The following ST3GAL3 variants were observed in gnomAD, a reference collection of about 807,000 sequenced individuals.
ST3GAL3 encodes the protein CMP-N-acetylneuraminate-beta-1,4-galactoside alpha-2,3-sialyltransferase.
In ST3GAL3, 21 loss-of-function variants were observed where a neutral mutation model predicts 50.1. The observed-to-expected ratio is 0.42, with a 90% CI of 0.30 to 0.60. The LOEUF (loss-of-function observed/expected upper bound fraction) is 0.60. Among genes scored for constraint, ST3GAL3 ranks in the 20% least tolerant of loss-of-function variants. The pLI, the probability that ST3GAL3 is intolerant of heterozygous loss-of-function variation, is 0.19. For missense variants in ST3GAL3, 353 were observed against 489.4 expected, an observed-to-expected ratio of 0.72 and a Z score of 2.63; for synonymous variants, 183 against 190.0, an observed-to-expected ratio of 0.96 and a Z score of 0.30.
In ST3GAL3 at chr1:43,788,943, T is replaced by G. The variant is rs541665783; in HGVS notation, c.119-3159T>G. On this transcript the variant is annotated intron_variant, in intron 2 of 11. Transcript: ENST00000347631. ...GGTCTTAATGGAAGAGTGGGAGGTT[T>G]TTTTTTTTTTTAATGCAAACCTGCA... Among the ~76,000 whole-genome samples the G allele has an allele frequency of 7.3e-5, 11 of 151,482 alleles. No homozygotes were observed. The East Asian group carries it at 7.8e-4, about 11-fold the overall frequency.
intron 2 of ST3GAL3, among the ~76,000 whole-genome samples, chr1:43,763,612 C>T (rs1258029524): frequency 6.6e-6 from 1 of 152,150 alleles, no homozygotes; most frequent in African/African-American, 2.4e-5. Context: ...AGCAGTCACC[C>T]TGAGCCACAA....
chr1:43,874,598 T>A (rs1392825909), intron 5 of ST3GAL3, among the ~76,000 whole-genome samples: 9 of 152,250 alleles, frequency 5.9e-5, no homozygotes, highest in Non-Finnish European at 1.0e-4. Context: ...AGAAATGAGA[T>A]GATGTAAGAG....
At chr1:43,710,208 A>G (rs1186741272) in intron 1 of ST3GAL3, among the ~76,000 whole-genome samples, 1 of 152,064 alleles carries the variant, frequency 6.6e-6, no homozygotes, top group Non-Finnish European at 1.5e-5. Context: ...CAGCCTCCTG[A>G]GTAGCTGGGA....
chr1:43,918,026 C>T (rs192636170), intron 9 of ST3GAL3, among the ~76,000 whole-genome samples: 88 of 150,734 alleles, frequency 5.8e-4, no homozygotes, highest in African/African-American at 2.0e-3. Flanking sequence ...GAAGTCAAAA[C>T]GTGTCAGTCA....
chr1:43,798,679 TAAAAA>T (rs1223287999), intron 3 of ST3GAL3, among the ~76,000 whole-genome samples: 22 of 152,194 alleles, frequency 1.4e-4, no homozygotes, highest in Non-Finnish European at 3.2e-4. Context: ...AGTCCTTCTC[TAAAAA>T]AGTATGTCTT....
chr1:43,864,503 A>G (rs571740982), intron 5 of ST3GAL3, among the ~76,000 whole-genome samples: 1 of 152,320 alleles, frequency 6.6e-6, no homozygotes, highest in South Asian at 2.1e-4. Context: ...GGAAGGAGAC[A>G]CACTTGGAAG....
intron 2 of ST3GAL3, among the ~76,000 whole-genome samples, chr1:43,759,557 C>A (rs529994012): frequency 6.6e-6 from 1 of 152,344 alleles, no homozygotes; most frequent in Admixed American, 6.5e-5. Flanking sequence ...GCTTATAAGA[C>A]TTAGTCTCTC....
At chr1:43,923,780 A>AT (rs1034935036) in intron 11 of ST3GAL3, among the ~76,000 whole-genome samples, 3 of 151,662 alleles carry the variant, frequency 2.0e-5, no homozygotes, top group Non-Finnish European at 4.4e-5. Flanking sequence ...CACCTGGCTA[A>AT]TTTTTTTTAT....
intron 5 of ST3GAL3, among the ~76,000 whole-genome samples, chr1:43,847,272 T>C (rs1411779014): frequency 1.3e-5 from 2 of 152,332 alleles, no homozygotes; most frequent in East Asian, 3.9e-4. Flanking sequence ...AGGATTGCCG[T>C]ATGATCCAGC....
At chr1:43,730,571 C>CTTTTTTTTTTT (rs11318191) in intron 1 of ST3GAL3, among the ~76,000 whole-genome samples, 1 of 122,388 alleles carries the variant, frequency 8.2e-6, no homozygotes, top group African/African-American at 3.2e-5. Context: ...TCTTTTCTTT[C>CTTTTTTTTTTT]TTTTTTTTTT....
intron 5 of ST3GAL3, chr1:43,850,964 G>A: frequency 1.0e-6 from 1 of 971,970 alleles, no homozygotes; most frequent in Non-Finnish European, 1.7e-6. Context: ...TGCGGACTTG[G>A]CAGCCTCTCA....
intron 2 of ST3GAL3, among the ~76,000 whole-genome samples, chr1:43,773,404 TTTTA>T (rs1384586139): frequency 6.6e-6 from 1 of 152,216 alleles, no homozygotes; most frequent in Non-Finnish European, 1.5e-5. Context: ...TGTTAATCCT[TTTTA>T]TTTATTTGTT....
intron 3 of ST3GAL3, among the ~76,000 whole-genome samples, chr1:43,814,050 G>A (rs1443302905): frequency 6.6e-6 from 1 of 152,130 alleles, no homozygotes; most frequent in East Asian, 1.9e-4. Flanking sequence ...ATCAAGAATA[G>A]CTGTGATTCT....
chr1:43,752,718 G>A (rs999184882), intron 2 of ST3GAL3, among the ~76,000 whole-genome samples: 23 of 152,136 alleles, frequency 1.5e-4, no homozygotes, highest in African/African-American at 4.1e-4. Flanking sequence ...GCCCAGGCTC[G>A]TCTTGAACTC....
At chr1:43,849,481 A>T (rs1411825944) in intron 5 of ST3GAL3, among the ~76,000 whole-genome samples, 1 of 152,236 alleles carries the variant, frequency 6.6e-6, no homozygotes, top group Non-Finnish European at 1.5e-5. Flanking sequence ...GTATTTTTAA[A>T]GCTATAATTC....
Position 43,716,903 on chromosome 1 carries a change from A to G in ST3GAL3, c.-31+9210A>G, listed in dbSNP as rs115971289. ...AGGGCAAATGGCCTGGGCTGTTATA[A>G]TGGCTTCTTCTTGCTCTGTGCTTAG... On this transcript the variant is annotated intron_variant, in intron 1 of 11. Coordinates refer to ENST00000347631, the MANE Select transcript of ST3GAL3 (RefSeq NM_006279.5). Among the ~76,000 whole-genome samples the G allele has an allele frequency of 2.9e-3, 444 of 152,244 alleles. 4 individuals carry two copies. The highest frequency in any genetic ancestry group is 0.01 in the African/African-American group (429 of 41,526).
intron 5 of ST3GAL3, among the ~76,000 whole-genome samples, chr1:43,880,058 G>C (rs77877744): frequency 0.018 from 2,671 of 152,294 alleles, 85 homozygotes; most frequent in African/African-American, 0.061. Context: ...GAATTGGTCT[G>C]GTTGGCCCTG....
Position 43,744,352 on chromosome 1 carries a change from C to T in ST3GAL3, c.118+7972C>T, listed in dbSNP as rs544788506. On this transcript the variant is annotated intron_variant, in intron 2 of 11. Coordinates refer to ENST00000347631, the MANE Select transcript of ST3GAL3 (RefSeq NM_006279.5). ...ACGACCTCCACCTCCTGGGTTCAAG[C>T]GATTCTCCTACCTCAGCCTCCCGAG... Among the ~76,000 whole-genome samples the T allele has an allele frequency of 3.3e-4, 50 of 151,994 alleles. No individual in the cohort carries two copies. The South Asian group carries it at 5.8e-3, about 18-fold the overall frequency.
intron 9 of ST3GAL3, among the ~76,000 whole-genome samples, chr1:43,900,026 C>T (rs2078024389): frequency 6.6e-6 from 1 of 151,118 alleles, no homozygotes; most frequent in South Asian, 2.1e-4. Flanking sequence ...AGGGGCCCTT[C>T]CCTGGCCTTA....
Sources: gnomAD v4.1 joint callset for allele counts (sites outside exome capture counted in the v4.1 genomes callset) on GRCh38, gnomAD v4.1.1 for gene constraint, MANE v1.5 for transcripts, NCBI Gene and HGNC (gene_info 2026-07-23, HGNC 2026-07-21) for gene names.